The following ADAMTS6 variants were observed in gnomAD, a reference collection of about 807,000 sequenced individuals.
ADAMTS6 encodes ADAM metallopeptidase with thrombospondin type 1 motif 6.
ADAMTS6 carries 23 observed loss-of-function variants against 144.3 expected under a neutral mutation model. The ratio of observed to expected loss-of-function variants is 0.16; its 90% CI spans 0.11 to 0.23. ADAMTS6 has a LOEUF of 0.23. ADAMTS6 is among the 10% of genes least tolerant of loss of function. ADAMTS6 has a pLI of 1.00. For missense variants in ADAMTS6, 999 were observed against 1,379.6 expected, an observed-to-expected ratio of 0.72 and a Z score of 4.37; for synonymous variants, 444 against 457.5, an observed-to-expected ratio of 0.97 and a Z score of 0.38.
chr5:65,210,567 C>G (rs1402114385), intron 20 of ADAMTS6: 1 of 556,330 alleles, frequency 1.8e-6, no homozygotes, highest in Non-Finnish European at 3.2e-6. Flanking sequence ...TGGATGCAGG[C>G]CTTGCCAGAA....
chr5:65,327,489 A>C (rs1746284806), intron 9 of ADAMTS6, among the ~76,000 whole-genome samples: 1 of 151,988 alleles, frequency 6.6e-6, no homozygotes, highest in African/African-American at 2.4e-5. Context: ...CTCTCAATCC[A>C]AGGATTTTGT....
intron 7 of ADAMTS6, among the ~76,000 whole-genome samples, chr5:65,367,982 T>G (rs1750464828): frequency 6.6e-6 from 1 of 152,126 alleles, no homozygotes; most frequent in East Asian, 1.9e-4. Context: ...ATTATCTTTT[T>G]TAATTCATTA....
At chr5:65,231,199 C>T (rs1210514843) in intron 15 of ADAMTS6, among the ~76,000 whole-genome samples, 1 of 151,460 alleles carries the variant, frequency 6.6e-6, no homozygotes, top group East Asian at 1.9e-4. Context: ...AAATATATTC[C>T]ATGGAAACAG....
chr5:65,243,357 T>C (rs1169643547), intron 14 of ADAMTS6, among the ~76,000 whole-genome samples: 1 of 152,088 alleles, frequency 6.6e-6, no homozygotes, highest in African/African-American at 2.4e-5. Flanking sequence ...GCAGTAACAA[T>C]AGACCACAAT....
At chr5:65,158,257 T>A (rs1752544273) in intron 24 of ADAMTS6, among the ~76,000 whole-genome samples, 1 of 152,208 alleles carries the variant, frequency 6.6e-6, no homozygotes, top group Admixed American at 6.5e-5. Flanking sequence ...CCAAATGCAG[T>A]AGCTAGTTTG....
chr5:65,194,984 A>C (rs140559940), intron 21 of ADAMTS6, among the ~76,000 whole-genome samples: 53 of 152,356 alleles, frequency 3.5e-4, no homozygotes, highest in African/African-American at 1.3e-3. Flanking sequence ...TGGACATTTA[A>C]ACTTTTAAGC....
chr5:65,398,809 AAAG>A lies in ADAMTS6; in HGVS notation c.1073+52663_1073+52665del, dbSNP rs1172044068. Among the ~76,000 whole-genome samples, 32 of 96,588 alleles carry A rather than the reference AAAG, an allele frequency of 3.3e-4. 2 individuals carry two copies. The East Asian group carries it at 3.8e-3, about 11-fold the overall frequency. 63.4% of individuals were successfully genotyped at this position (96,588 alleles called of 152,430 possible). On this transcript the variant is annotated intron_variant, in intron 7 of 24. Coordinates refer to ENST00000381055, the MANE Select transcript of ADAMTS6 (RefSeq NM_197941.4). Reference sequence around the variant, plus strand: ...GAAAGAAAGAAAGAAAGAAAGAAAGAAAGAAAGAAAGAAAGAAAGAAAGAAAGA... The same window carrying A: ...GAAAGAAAGAAAGAAAGAAAGAAAGAAAAGAAAGAAAGAAAGAAAGAAAGA...
intron 24 of ADAMTS6, among the ~76,000 whole-genome samples, chr5:65,152,802 T>A (rs1447121532): frequency 6.6e-6 from 1 of 152,216 alleles, no homozygotes; most frequent in Non-Finnish European, 1.5e-5. Context: ...CTGCTAGCAA[T>A]AATATTCTTT....
intron 11 of ADAMTS6, among the ~76,000 whole-genome samples, chr5:65,275,545 T>C (rs1469721811): frequency 6.6e-6 from 1 of 151,900 alleles, no homozygotes; most frequent in Non-Finnish European, 1.5e-5. Context: ...TATTACAAAT[T>C]CACTTTTCTT....
chr5:65,381,851 T>G (rs1752076903), intron 7 of ADAMTS6, among the ~76,000 whole-genome samples: 2 of 152,168 alleles, frequency 1.3e-5, no homozygotes, highest in African/African-American at 4.8e-5. Flanking sequence ...ACAATAGTTT[T>G]ATAGATACAG....
chr5:65,213,370 G>A (rs570379367), intron 20 of ADAMTS6, among the ~76,000 whole-genome samples: 1 of 152,260 alleles, frequency 6.6e-6, no homozygotes, highest in Admixed American at 6.5e-5. Flanking sequence ...GGCTGGGCGT[G>A]ATGGCCCATG....
At chr5:65,275,269 A>C in intron 11 of ADAMTS6, among the ~76,000 whole-genome samples, 1 of 138,912 alleles carries the variant, frequency 7.2e-6, no homozygotes. Flanking sequence ...AGAGGTAGGG[A>C]GGGAGGGAAA....
intron 14 of ADAMTS6, among the ~76,000 whole-genome samples, chr5:65,254,151 C>T (rs1191966123): frequency 6.6e-6 from 1 of 151,934 alleles, no homozygotes; most frequent in African/African-American, 2.4e-5. Flanking sequence ...GGCCACATTA[C>T]TCAGTCTTAA....
chr5:65,338,038 G>A (rs1747468966), intron 7 of ADAMTS6, among the ~76,000 whole-genome samples: 2 of 152,134 alleles, frequency 1.3e-5, no homozygotes, highest in South Asian at 2.1e-4. Flanking sequence ...CCCAAACTTA[G>A]GCCTGTGATC....
At chr5:65,199,945 T>C (rs1182464659) in intron 20 of ADAMTS6, among the ~76,000 whole-genome samples, 1 of 152,178 alleles carries the variant, frequency 6.6e-6, no homozygotes, top group Admixed American at 6.5e-5. Context: ...AATGCTATTT[T>C]TTATGAAGTA....
intron 9 of ADAMTS6, among the ~76,000 whole-genome samples, chr5:65,328,953 T>A (rs1185259702): frequency 6.6e-6 from 1 of 152,040 alleles, no homozygotes; most frequent in Non-Finnish European, 1.5e-5. Context: ...TACATAGCAA[T>A]GTCTGCACAA....
chr5:65,298,262 C>G (rs1046261072), intron 10 of ADAMTS6, among the ~76,000 whole-genome samples: 5 of 151,690 alleles, frequency 3.3e-5, no homozygotes, highest in Non-Finnish European at 7.4e-5. Context: ...GCCAATGGGA[C>G]AGACACAAGA....
chr5:65,421,076 T>C (rs1304862768), intron 7 of ADAMTS6, among the ~76,000 whole-genome samples: 1 of 152,228 alleles, frequency 6.6e-6, no homozygotes, highest in Non-Finnish European at 1.5e-5. Flanking sequence ...TCAATGTTAA[T>C]ATTGAGATAT....
At chr5:65,205,091 T>C (rs1024880419) in intron 20 of ADAMTS6, among the ~76,000 whole-genome samples, 5 of 152,142 alleles carry the variant, frequency 3.3e-5, no homozygotes, top group Non-Finnish European at 7.4e-5. Context: ...TCGCACTTAA[T>C]TTCAATCAAG....
Sources: allele counts gnomAD v4.1 joint callset (sites outside exome capture counted in the v4.1 genomes callset), GRCh38; gene constraint gnomAD v4.1.1; transcripts MANE v1.5; gene names NCBI Gene and HGNC (gene_info 2026-07-23, HGNC 2026-07-21).